Variants in APBA2 observed in about 807,000 individuals in gnomAD.
The protein encoded by APBA2 is amyloid beta precursor protein binding family A member 2.
Under a neutral mutation model 75.0 loss-of-function variants are expected in APBA2, and 30 were observed. The ratio of observed to expected loss-of-function variants is 0.40; its 90% CI spans 0.30 to 0.54. The LOEUF (loss-of-function observed/expected upper bound fraction) is 0.54. APBA2 is among the 20% of genes least tolerant of loss of function. APBA2 has a pLI of 0.49. For missense variants in APBA2, 801 were observed against 1,016.1 expected, an observed-to-expected ratio of 0.79 and a Z score of 2.88; for synonymous variants, 444 against 409.6, an observed-to-expected ratio of 1.08 and a Z score of -1.01.
chr15:29,065,230 A>G (rs769904435), intron 4 of APBA2, among the ~76,000 whole-genome samples: 27 of 152,112 alleles, frequency 1.8e-4, no homozygotes, highest in Middle Eastern at 3.4e-3. Flanking sequence ...GGCTTGAGAG[A>G]CACCCAGTTG....
chr15:29,051,221 T>C (rs980679941), intron 3 of APBA2, among the ~76,000 whole-genome samples: 14 of 152,206 alleles, frequency 9.2e-5, no homozygotes, highest in African/African-American at 3.4e-4. Flanking sequence ...CTCTGACACA[T>C]CTGGGTTGCA....
intron 2 of APBA2, among the ~76,000 whole-genome samples, chr15:28,933,860 G>A (rs1389009719): frequency 6.6e-6 from 1 of 152,200 alleles, no homozygotes; most frequent in Non-Finnish European, 1.5e-5. Flanking sequence ...TTTGATGCTG[G>A]AGCGCAAGGA....
At chr15:28,919,772 C>G (rs917136700) in intron 1 of APBA2, among the ~76,000 whole-genome samples, 1 of 152,202 alleles carries the variant, frequency 6.6e-6, no homozygotes. Flanking sequence ...GAGCCCCGCT[C>G]CCCCAGGTCA....
At chr15:29,076,966 A>G (rs939154633) in intron 6 of APBA2, among the ~76,000 whole-genome samples, 2 of 152,132 alleles carry the variant, frequency 1.3e-5, no homozygotes, top group Non-Finnish European at 2.9e-5. Flanking sequence ...TCCAGTTCCA[A>G]TTGGTTGAAA....
At chr15:29,024,574 C>T (rs1039951849) in intron 3 of APBA2, among the ~76,000 whole-genome samples, 4 of 152,174 alleles carry the variant, frequency 2.6e-5, no homozygotes, top group Non-Finnish European at 4.4e-5. Context: ...CTTCAGCGTT[C>T]GTCTGATTGC....
At chr15:29,017,728 A>C (rs4779679) in intron 3 of APBA2, among the ~76,000 whole-genome samples, 1 of 151,992 alleles carries the variant, frequency 6.6e-6, no homozygotes, top group Non-Finnish European at 1.5e-5. Context: ...TTAAATACCC[A>C]TATTGAAATG....
At chr15:29,001,864 ATAAT>A (rs989939394) in intron 3 of APBA2, among the ~76,000 whole-genome samples, 4 of 152,226 alleles carry the variant, frequency 2.6e-5, no homozygotes, top group Non-Finnish European at 5.9e-5. Flanking sequence ...TGAGCCCAAC[ATAAT>A]TAGTGTGATG....
At chr15:28,947,330 G>T (rs2035603760) in intron 2 of APBA2, among the ~76,000 whole-genome samples, 1 of 152,220 alleles carries the variant, frequency 6.6e-6, no homozygotes, top group African/African-American at 2.4e-5. Context: ...TGTATTGGCT[G>T]CATGCTGACT....
intron 1 of APBA2, among the ~76,000 whole-genome samples, chr15:28,903,659 G>A (rs1449193341): frequency 6.6e-6 from 1 of 152,206 alleles, no homozygotes; most frequent in African/African-American, 2.4e-5. Flanking sequence ...GAGAGTCAGA[G>A]GGGCCTTCCT....
chr15:29,055,255 G>A (rs1460589931), intron 4 of APBA2, among the ~76,000 whole-genome samples: 2 of 152,212 alleles, frequency 1.3e-5, no homozygotes, highest in African/African-American at 4.8e-5. Flanking sequence ...ACCCACTGCT[G>A]CGGCCAGTGT....
intron 3 of APBA2, among the ~76,000 whole-genome samples, chr15:29,009,244 A>G (rs558777040): frequency 6.4e-4 from 98 of 152,168 alleles, no homozygotes; most frequent in Non-Finnish European, 1.2e-3. Flanking sequence ...CTCATAGCAC[A>G]TTGCACCCCC....
chr15:28,932,311 G>T (rs545451427), intron 2 of APBA2, among the ~76,000 whole-genome samples: 1 of 152,130 alleles, frequency 6.6e-6, no homozygotes, highest in African/African-American at 2.4e-5. Flanking sequence ...CTTCTGTACT[G>T]TAGTGCAGTG....
chr15:29,058,626 CA>C (rs1004001334), intron 4 of APBA2, among the ~76,000 whole-genome samples: 6 of 152,132 alleles, frequency 3.9e-5, no homozygotes, highest in Non-Finnish European at 8.8e-5. Flanking sequence ...CTCCAGTTTG[CA>C]GGGAGCCCTC....
intron 3 of APBA2, among the ~76,000 whole-genome samples, chr15:29,017,024 C>T: frequency 6.6e-6 from 1 of 152,100 alleles, no homozygotes. Context: ...ATAATGATGA[C>T]AGGCAGGCAG....
At chr15:28,952,847 C>T (rs1363807711) in intron 2 of APBA2, among the ~76,000 whole-genome samples, 1 of 152,114 alleles carries the variant, frequency 6.6e-6, no homozygotes, top group Non-Finnish European at 1.5e-5. Context: ...TCACTATCTC[C>T]ATTGTATAGA....
intron 2 of APBA2, among the ~76,000 whole-genome samples, chr15:28,935,811 A>C (rs2034832856): frequency 6.6e-6 from 1 of 152,222 alleles, no homozygotes; most frequent in Admixed American, 6.5e-5. Context: ...GAAGAAGAAA[A>C]GGCCTAATTT....
chr15:28,962,747 A>G (rs2036544175), intron 2 of APBA2, among the ~76,000 whole-genome samples: 2 of 151,942 alleles, frequency 1.3e-5, no homozygotes, highest in Admixed American at 6.6e-5. Flanking sequence ...AAGCAGTTTT[A>G]TTTCCCATTG....
At chr15:28,964,763 C>T (rs1166938724) in intron 2 of APBA2, among the ~76,000 whole-genome samples, 2 of 152,244 alleles carry the variant, frequency 1.3e-5, no homozygotes, top group East Asian at 1.9e-4. Flanking sequence ...GCTGGGATTA[C>T]AGGCATGAGC....
At chr15:29,096,851 A>G (rs1326079752) in intron 8 of APBA2, among the ~76,000 whole-genome samples, 1 of 152,268 alleles carries the variant, frequency 6.6e-6, no homozygotes, top group Non-Finnish European at 1.5e-5. Flanking sequence ...TGGGCAAACC[A>G]ATAGAACTTG....
Sources: allele counts gnomAD v4.1 joint callset (sites outside exome capture counted in the v4.1 genomes callset), GRCh38; gene constraint gnomAD v4.1.1; transcripts MANE v1.5; gene names NCBI Gene and HGNC (gene_info 2026-07-23, HGNC 2026-07-21).